Variants in KIAA0825 observed in about 807,000 individuals in gnomAD.
The protein encoded by KIAA0825 is KIAA0825.
KIAA0825 carries 119 observed loss-of-function variants against 147.6 expected under a neutral mutation model. The observed-to-expected ratio is 0.81, with a 90% CI of 0.69 to 0.94. KIAA0825 has a LOEUF of 0.94. KIAA0825 is among the 40% of genes least tolerant of loss of function. The probability of loss-of-function intolerance (pLI) is 0.00; values close to 1 mark genes in which losing one functional copy is unlikely to be tolerated. For synonymous variants in KIAA0825, 470 were observed against 518.1 expected (o/e 0.91, Z 1.26); for missense variants, 1,381 against 1,472.7 (o/e 0.94, Z 1.02).
intron 9 of KIAA0825, 140 bp from the exon 10 acceptor site, chr5:94,470,251 T>C (rs978240872): frequency 4.5e-5 from 24 of 533,574 alleles, no homozygotes; most frequent in Non-Finnish European, 7.0e-5. Context: ...GCATCCACAT[T>C]CACTTTCCAA....
At chr5:94,428,357 T>C (rs1755191633) in intron 14 of KIAA0825, among the ~76,000 whole-genome samples, 1 of 152,158 alleles carries the variant, frequency 6.6e-6, no homozygotes, top group Admixed American at 6.5e-5. Flanking sequence ...GCTATGTATT[T>C]ATGTGTGTTT....
chr5:94,472,321 G>A (rs905246762), intron 8 of KIAA0825, among the ~76,000 whole-genome samples: 3 of 152,164 alleles, frequency 2.0e-5, no homozygotes, highest in African/African-American at 7.2e-5. Context: ...TGGCAGAAGG[G>A]AGGTGTGATG....
chr5:94,595,583 T>G (rs1245697304), intron 1 of KIAA0825, among the ~76,000 whole-genome samples: 3 of 152,220 alleles, frequency 2.0e-5, no homozygotes, highest in Admixed American at 2.0e-4. Context: ...CCCATTATCT[T>G]GTCGATTAAC....
intron 1 of KIAA0825, among the ~76,000 whole-genome samples, chr5:94,605,459 C>CA (rs1561385289): frequency 6.6e-6 from 1 of 151,940 alleles, no homozygotes; most frequent in Non-Finnish European, 1.5e-5. Context: ...AGAGACACAG[C>CA]AAAAAAAGAA....
At position 94,465,066 on chromosome 5, in the gene KIAA0825, A is replaced by G; in HGVS notation, c.1873-7T>C. 1.3e-6 allele frequency: 2 copies of G among 1,550,764 alleles called. No homozygotes were observed. The highest frequency in any genetic ancestry group is 1.7e-6 in the Non-Finnish European group (2 of 1,146,418). On this transcript the variant is annotated splice_region_variant and splice_polypyrimidine_tract_variant and intron_variant, in intron 10 of 20. Transcript: ENST00000682413. ...AGAAGGAACATCTTTCCCCCTGGCA[A>G]AGCCAGCACACGTTAAACCATAGAG...
chr5:94,556,138 C>T (rs373663029), intron 2 of KIAA0825, among the ~76,000 whole-genome samples: 4 of 151,896 alleles, frequency 2.6e-5, no homozygotes, highest in South Asian at 2.1e-4. Context: ...CTGTAACCTC[C>T]GCCTCCTGGA....
chr5:94,242,506 C>T (rs1775397858), intron 20 of KIAA0825, among the ~76,000 whole-genome samples: 1 of 152,152 alleles, frequency 6.6e-6, no homozygotes, highest in Non-Finnish European at 1.5e-5. Flanking sequence ...ACCTATCCTA[C>T]CCATTAAATA....
chr5:94,543,507 C>G (rs1773743128), intron 2 of KIAA0825, among the ~76,000 whole-genome samples: 1 of 151,984 alleles, frequency 6.6e-6, no homozygotes, highest in Admixed American at 6.6e-5. Flanking sequence ...CTCACTGATG[C>G]TTGAGAAAAT....
chr5:94,377,925 C>G (rs1399130820), intron 20 of KIAA0825, among the ~76,000 whole-genome samples: 1 of 152,148 alleles, frequency 6.6e-6, no homozygotes, highest in South Asian at 2.1e-4. Flanking sequence ...ATTTAACAAA[C>G]ACAAACTCTG....
intron 16 of KIAA0825, among the ~76,000 whole-genome samples, chr5:94,402,366 CAT>C (rs1249495031): frequency 6.6e-6 from 1 of 152,032 alleles, no homozygotes; most frequent in Non-Finnish European, 1.5e-5. Context: ...TTGCTCAAAA[CAT>C]ATCAAATATC....
rs77967453 is a variant in KIAA0825, at chr5:94,430,133, G to C, written c.2497+9849C>G. On this transcript the variant is annotated intron_variant, in intron 14 of 20. Transcript: ENST00000682413. ...CTCTGAAAGCCTGGAGATCTGCCTGGGTGTATAGTAGAGAGGGTCCCCTTG... is the reference window on the plus strand; with the variant it reads ...CTCTGAAAGCCTGGAGATCTGCCTGCGTGTATAGTAGAGAGGGTCCCCTTG... 8.2e-3 allele frequency among the ~76,000 whole-genome samples: 1,253 copies of C among 152,248 alleles called. 16 individuals carry two copies. The highest frequency in any genetic ancestry group is 0.026 in the African/African-American group (1,060 of 41,552).
intron 1 of KIAA0825, among the ~76,000 whole-genome samples, chr5:94,603,282 A>C (rs1325289178): frequency 6.6e-6 from 1 of 152,198 alleles, no homozygotes; most frequent in Non-Finnish European, 1.5e-5. Context: ...AGCATTCTTA[A>C]AGAAAAGCAA....
At chr5:94,346,878 C>T (rs182983270) in intron 20 of KIAA0825, among the ~76,000 whole-genome samples, 2 of 152,126 alleles carry the variant, frequency 1.3e-5, no homozygotes, top group Non-Finnish European at 2.9e-5. Context: ...GAACCAAGCC[C>T]TTTTTTTTCC....
chr5:94,288,423 G>A (rs1015751991), intron 20 of KIAA0825, among the ~76,000 whole-genome samples: 2 of 152,126 alleles, frequency 1.3e-5, no homozygotes, highest in African/African-American at 2.4e-5. Context: ...AGAGACAGTT[G>A]TATTTATAAG....
chr5:94,175,429 C>G (rs1189978080), intron 20 of KIAA0825, among the ~76,000 whole-genome samples: 3 of 152,184 alleles, frequency 2.0e-5, no homozygotes, highest in Admixed American at 2.0e-4. Context: ...AAAATTCTGA[C>G]TGACAGTTCC....
chr5:94,531,253 C>T (rs1770735743), intron 3 of KIAA0825, among the ~76,000 whole-genome samples: 1 of 152,188 alleles, frequency 6.6e-6, no homozygotes, highest in Admixed American at 6.5e-5. Flanking sequence ...CAGAGGTCTA[C>T]AGGAAACACT....
intron 20 of KIAA0825, among the ~76,000 whole-genome samples, chr5:94,262,164 A>G (rs1265707430): frequency 6.6e-6 from 1 of 152,146 alleles, no homozygotes; most frequent in East Asian, 1.9e-4. Flanking sequence ...GCCAATTTAC[A>G]TAAAAAGAAA....
chr5:94,605,862 A>T lies in KIAA0825; in HGVS notation c.-153+12638T>A, dbSNP rs530311906. Among the ~76,000 whole-genome samples the T allele has an allele frequency of 4.1e-4, 62 of 152,230 alleles. 1 individual carries two copies. The highest frequency in any genetic ancestry group is 1.4e-3 in the African/African-American group (59 of 41,556). ...TTTCCCCTTGAAAACTGGCATGAGG[A>T]TGCCCTCTCTCGCCACTTCCATTCA... On this transcript the variant is annotated intron_variant, in intron 1 of 20. Transcript: ENST00000682413.
intron 6 of KIAA0825, among the ~76,000 whole-genome samples, chr5:94,478,036 C>G (rs2151018547): frequency 6.6e-6 from 1 of 152,250 alleles, no homozygotes; most frequent in Middle Eastern, 3.4e-3. Flanking sequence ...GAATCAATTT[C>G]TTTATGCCTG....
Sources: allele counts gnomAD v4.1 joint callset (sites outside exome capture counted in the v4.1 genomes callset), GRCh38; gene constraint gnomAD v4.1.1; transcripts MANE v1.5; gene names NCBI Gene and HGNC (gene_info 2026-07-23, HGNC 2026-07-21).